The following TECRL variants were observed in gnomAD, a reference collection of about 807,000 sequenced individuals.
TECRL encodes trans-2,3-enoyl-CoA reductase like.
In TECRL, 63 loss-of-function variants were observed where a neutral mutation model predicts 52.8. The observed-to-expected ratio is 1.19, with a 90% CI of 0.97 to 1.47. The LOEUF is 1.47. Ranked by LOEUF, TECRL falls within the 40% of genes most tolerant of loss-of-function variation. The pLI, the probability that TECRL is intolerant of heterozygous loss-of-function variation, is 0.00. For synonymous variants in TECRL, 164 were observed against 141.9 expected, an observed-to-expected ratio of 1.16 and a Z score of -1.10; for missense variants, 482 against 429.6, an observed-to-expected ratio of 1.12 and a Z score of -1.08.
At chr4:64,283,535 G>A (rs904028697) in intron 9 of TECRL, among the ~76,000 whole-genome samples, 1 of 151,900 alleles carries the variant, frequency 6.6e-6, no homozygotes, top group African/African-American at 2.4e-5. Context: ...TATTCTATCT[G>A]GTCTAATATT....
intron 5 of TECRL, among the ~76,000 whole-genome samples, chr4:64,313,086 A>G (rs1717173969): frequency 6.6e-6 from 1 of 152,180 alleles, no homozygotes; most frequent in South Asian, 2.1e-4. Flanking sequence ...CTTCATAGCA[A>G]CATGAGAACG....
At chr4:64,315,584 C>T (rs1403614665) in intron 4 of TECRL, among the ~76,000 whole-genome samples, 1 of 137,838 alleles carries the variant, frequency 7.3e-6, no homozygotes, top group Non-Finnish European at 1.5e-5. Context: ...CTACCATTAA[C>T]TATTTTGTCT....
At chr4:64,382,121 T>C (rs1722835378) in intron 1 of TECRL, among the ~76,000 whole-genome samples, 1 of 149,972 alleles carries the variant, frequency 6.7e-6, no homozygotes, top group African/African-American at 2.5e-5. Context: ...TTACTCATTA[T>C]TGGTCTTCAA....
chr4:64,311,851 G>C (rs1400853633), intron 5 of TECRL, among the ~76,000 whole-genome samples: 3 of 152,058 alleles, frequency 2.0e-5, no homozygotes, highest in African/African-American at 7.2e-5. Context: ...CCAAAGTATT[G>C]ATAAAATCTT....
At chr4:64,341,523 C>A (rs545428255) in intron 2 of TECRL, among the ~76,000 whole-genome samples, 1 of 152,200 alleles carries the variant, frequency 6.6e-6, no homozygotes, top group South Asian at 2.1e-4. Flanking sequence ...TCATTTGAAC[C>A]TGGGAGGTGG....
At chr4:64,385,478 T>C (rs1218558911) in intron 1 of TECRL, among the ~76,000 whole-genome samples, 1 of 152,138 alleles carries the variant, frequency 6.6e-6, no homozygotes, top group Non-Finnish European at 1.5e-5. Context: ...CCTCATGCAC[T>C]ACACCACCCT....
At chr4:64,339,225 T>C (rs1348167906) in intron 2 of TECRL, among the ~76,000 whole-genome samples, 2 of 138,714 alleles carry the variant, frequency 1.4e-5, no homozygotes, top group African/African-American at 2.7e-5. Flanking sequence ...TAGGTGGGAA[T>C]TGAACAATGA....
chr4:64,367,513 A>G lies in TECRL; in HGVS notation c.286+7659T>C, dbSNP rs548795530. Among the ~76,000 whole-genome samples, 347 of 152,212 alleles carry G rather than the reference A, an allele frequency of 2.3e-3. 2 individuals are homozygous for G. The highest frequency in any genetic ancestry group is 0.01 in the Middle Eastern group (3 of 294). On this transcript the variant is annotated intron_variant, in intron 2 of 11. Coordinates refer to ENST00000381210, the MANE Select transcript of TECRL (RefSeq NM_001010874.5). ...AAACCAACACAAAATACAAATACAAAAAGTGTCATATATCACATAAAATTC... is the reference window on the plus strand; with the variant it reads ...AAACCAACACAAAATACAAATACAAGAAGTGTCATATATCACATAAAATTC...
chr4:64,349,899 A>G (rs1720262110), intron 2 of TECRL, among the ~76,000 whole-genome samples: 1 of 152,220 alleles, frequency 6.6e-6, no homozygotes. Context: ...ACTACTTACC[A>G]ACTTAAGCAG....
chr4:64,314,560 T>C (rs1577855923), intron 5 of TECRL, 88 bp downstream of exon 5: 1 of 975,316 alleles, frequency 1.0e-6, no homozygotes, highest in Admixed American at 2.1e-5. Context: ...TTTTACCTGC[T>C]TACTAGTTCA....
chr4:64,347,370 T>C (rs891803952), intron 2 of TECRL, among the ~76,000 whole-genome samples: 4 of 152,224 alleles, frequency 2.6e-5, no homozygotes, highest in African/African-American at 9.6e-5. Context: ...GTGACAACTT[T>C]ATTCTGGGAC....
chr4:64,300,702 CATGTAAATTGTATTT>C (rs961683276), intron 7 of TECRL, among the ~76,000 whole-genome samples: 2 of 150,814 alleles, frequency 1.3e-5, no homozygotes, highest in Non-Finnish European at 3.0e-5. Context: ...TGTATGTGAG[CATGTAAATTGTATTT>C]ATATAAACAC....
At chr4:64,326,628 G>A (rs576087480) in intron 3 of TECRL, among the ~76,000 whole-genome samples, 1 of 152,148 alleles carries the variant, frequency 6.6e-6, no homozygotes, top group South Asian at 2.1e-4. Flanking sequence ...TTGAACAAAG[G>A]GAATTTCATG....
chr4:64,293,237 A>C, intron 8 of TECRL, among the ~76,000 whole-genome samples: 1 of 152,300 alleles, frequency 6.6e-6, no homozygotes, highest in Non-Finnish European at 1.5e-5. Flanking sequence ...TGGTCAAGAA[A>C]GTAAATAAAA....
intron 9 of TECRL, among the ~76,000 whole-genome samples, chr4:64,284,072 T>C (rs1286625724): frequency 6.6e-6 from 1 of 151,972 alleles, no homozygotes; most frequent in African/African-American, 2.4e-5. Context: ...AGAATACACA[T>C]GGGGTTGGAA....
At chr4:64,403,240 C>T (rs909917050) in intron 1 of TECRL, among the ~76,000 whole-genome samples, 6 of 151,970 alleles carry the variant, frequency 3.9e-5, no homozygotes, top group Non-Finnish European at 5.9e-5. Flanking sequence ...CTACAAAGAT[C>T]ACCTATACAT....
chr4:64,287,574 A>G (rs1355238001), intron 9 of TECRL, among the ~76,000 whole-genome samples: 1 of 152,162 alleles, frequency 6.6e-6, no homozygotes, highest in Non-Finnish European at 1.5e-5. Context: ...TGACTGATTT[A>G]CCAAAAATAT....
At chr4:64,335,558 G>T (rs1719010171) in intron 2 of TECRL, among the ~76,000 whole-genome samples, 1 of 152,152 alleles carries the variant, frequency 6.6e-6, no homozygotes, top group African/African-American at 2.4e-5. Context: ...CATCCCCTGT[G>T]TGTGGAGAAA....
At chr4:64,344,118 G>T (rs1719778746) in intron 2 of TECRL, among the ~76,000 whole-genome samples, 1 of 151,868 alleles carries the variant, frequency 6.6e-6, no homozygotes, top group Non-Finnish European at 1.5e-5. Flanking sequence ...TCAGCATTTA[G>T]AAGAGGAAGT....
Sources: gnomAD v4.1 joint callset for allele counts (sites outside exome capture counted in the v4.1 genomes callset) on GRCh38, gnomAD v4.1.1 for gene constraint, MANE v1.5 for transcripts, NCBI Gene and HGNC (gene_info 2026-07-23, HGNC 2026-07-21) for gene names.